Variants in CLSTN2 observed in about 807,000 individuals in gnomAD.
CLSTN2 encodes calsyntenin 2.
A neutral mutation model predicts 101.2 loss-of-function variants in CLSTN2; 48 were observed. The ratio of observed to expected loss-of-function variants is 0.47; its 90% CI spans 0.38 to 0.60. The LOEUF is 0.60. CLSTN2 is among the 20% of genes least tolerant of loss of function. The probability of loss-of-function intolerance (pLI) is 0.00; values close to 1 mark genes in which losing one functional copy is unlikely to be tolerated. For missense variants in CLSTN2, 1,160 were observed against 1,238.2 expected, an observed-to-expected ratio of 0.94 and a Z score of 0.95; for synonymous variants, 481 against 463.6, an observed-to-expected ratio of 1.04 and a Z score of -0.48.
At chr3:140,532,266 T>G in intron 8 of CLSTN2, 58 bp from the exon 9 acceptor site, 2 of 1,425,054 alleles carry the variant, frequency 1.4e-6, no homozygotes, top group Non-Finnish European at 1.9e-6. Context: ...AGTAAAAGCC[T>G]GTTTGATGTT....
At chr3:140,172,282 G>GATTA (rs1358928033) in intron 1 of CLSTN2, among the ~76,000 whole-genome samples, 4 of 152,112 alleles carry the variant, frequency 2.6e-5, no homozygotes, top group African/African-American at 9.7e-5. Flanking sequence ...TAAGTAATCA[G>GATTA]ATTAATGTTT....
intron 2 of CLSTN2, among the ~76,000 whole-genome samples, chr3:140,275,391 C>T (rs1250872285): frequency 6.6e-6 from 1 of 152,060 alleles, no homozygotes; most frequent in Non-Finnish European, 1.5e-5. Context: ...TCCTGCCTTC[C>T]TGCCTCAGCC....
At chr3:140,417,369 C>A (rs976747526) in intron 4 of CLSTN2, among the ~76,000 whole-genome samples, 9 of 152,028 alleles carry the variant, frequency 5.9e-5, no homozygotes, top group African/African-American at 2.2e-4. Flanking sequence ...GCAATTGTAT[C>A]ATTTTTCCAG....
At chr3:140,084,910 G>C (rs143935415) in intron 1 of CLSTN2, among the ~76,000 whole-genome samples, 1 of 152,322 alleles carries the variant, frequency 6.6e-6, no homozygotes, top group African/African-American at 2.4e-5. Flanking sequence ...GAGTTTGTGT[G>C]AACTGAATGT....
At chr3:140,509,837 G>A (rs1934772785) in intron 8 of CLSTN2, among the ~76,000 whole-genome samples, 1 of 152,236 alleles carries the variant, frequency 6.6e-6, no homozygotes, top group African/African-American at 2.4e-5. Flanking sequence ...CCCAGGCTGG[G>A]TAAGGGGAGA....
chr3:140,505,255 C>T (rs1490024034), intron 8 of CLSTN2, among the ~76,000 whole-genome samples: 1 of 152,058 alleles, frequency 6.6e-6, no homozygotes, highest in East Asian at 1.9e-4. Context: ...ATGGCATGAC[C>T]CCACTGATGG....
intron 8 of CLSTN2, among the ~76,000 whole-genome samples, chr3:140,495,435 TTC>T (rs1378749640): frequency 1.3e-5 from 2 of 152,246 alleles, no homozygotes; most frequent in Non-Finnish European, 2.9e-5. Flanking sequence ...TGATGATAGC[TTC>T]TTTTACTGTG....
At chr3:140,191,895 T>C (rs1374607558) in intron 2 of CLSTN2, among the ~76,000 whole-genome samples, 1 of 151,986 alleles carries the variant, frequency 6.6e-6, no homozygotes, top group Non-Finnish European at 1.5e-5. Flanking sequence ...TTGTATGGGC[T>C]TATTTTGCCC....
At chr3:139,950,133 C>T (rs1361989960) in intron 1 of CLSTN2, among the ~76,000 whole-genome samples, 3 of 152,134 alleles carry the variant, frequency 2.0e-5, no homozygotes, top group Admixed American at 6.5e-5. Context: ...AATGAACAAA[C>T]GGGAGTCTCT....
intron 2 of CLSTN2, among the ~76,000 whole-genome samples, chr3:140,237,296 A>G (rs567036325): frequency 2.2e-4 from 33 of 152,252 alleles, no homozygotes; most frequent in Admixed American, 8.5e-4. Context: ...TGTGTCGTAC[A>G]TTACAAGGCT....
chr3:140,413,540 C>T (rs1010305880), intron 4 of CLSTN2, among the ~76,000 whole-genome samples: 1 of 152,162 alleles, frequency 6.6e-6, no homozygotes, highest in Non-Finnish European at 1.5e-5. Context: ...CACTTTCAAA[C>T]TCATTTTATT....
At chr3:140,485,169 C>T (rs1483347519) in intron 8 of CLSTN2, among the ~76,000 whole-genome samples, 2 of 152,190 alleles carry the variant, frequency 1.3e-5, no homozygotes, top group Non-Finnish European at 2.9e-5. Context: ...AGTTTTCCTT[C>T]TAACAGTGAG....
intron 4 of CLSTN2, among the ~76,000 whole-genome samples, chr3:140,418,806 G>C (rs1371633063): frequency 6.6e-6 from 1 of 152,048 alleles, no homozygotes; most frequent in Non-Finnish European, 1.5e-5. Flanking sequence ...GTGAGCCACT[G>C]CGCCGGGCTG....
At chr3:140,537,383 A>G (rs1935379390) in intron 9 of CLSTN2, among the ~76,000 whole-genome samples, 1 of 151,956 alleles carries the variant, frequency 6.6e-6, no homozygotes, top group Non-Finnish European at 1.5e-5. Flanking sequence ...TATTCTAGCA[A>G]TGAAAAAAAA....
intron 8 of CLSTN2, among the ~76,000 whole-genome samples, chr3:140,481,023 T>A (rs898454272): frequency 1.3e-5 from 2 of 152,236 alleles, no homozygotes; most frequent in African/African-American, 4.8e-5. Context: ...TCCTTGCCCA[T>A]GCCTATGTCC....
chr3:140,120,607 C>T (rs775995788), intron 1 of CLSTN2, among the ~76,000 whole-genome samples: 1 of 152,214 alleles, frequency 6.6e-6, no homozygotes, highest in African/African-American at 2.4e-5. Flanking sequence ...CTTGGCCTTT[C>T]TGGTTACCAG....
Position 140,575,216 on chromosome 3 carries a change from AG to A in CLSTN2, c.*8966del, listed in dbSNP as rs1322487891. ...GAGGAGAAATTTAGACTTGAAAGTC[AG>A]GGCTGATCACTCAAAAAGTAAGATA... On this transcript the variant is annotated 3_prime_UTR_variant, in exon 17 of 17. Coordinates refer to ENST00000458420, the MANE Select transcript of CLSTN2 (RefSeq NM_022131.3). 1 of 152,210 alleles carries A rather than the reference AG, an allele frequency of 6.6e-6. No individual in the cohort carries two copies. Among genetic ancestry groups the A allele is most frequent in the Non-Finnish European group, 1.5e-5 (1 of 68,046 alleles). 9.4% of individuals were successfully genotyped at this position (152,210 alleles called of 1,614,324 possible). A position where few individuals can be genotyped will look rare whatever the true frequency, so the allele number is the denominator to read the frequency against.
intron 2 of CLSTN2, among the ~76,000 whole-genome samples, chr3:140,249,129 T>C (rs1325717026): frequency 6.6e-6 from 1 of 151,932 alleles, no homozygotes; most frequent in Non-Finnish European, 1.5e-5. Flanking sequence ...CCATGGAGAG[T>C]CTGAGACACC....
chr3:140,347,542 G>A (rs533592332), intron 2 of CLSTN2, among the ~76,000 whole-genome samples: 1 of 152,324 alleles, frequency 6.6e-6, no homozygotes, highest in East Asian at 1.9e-4. Flanking sequence ...TGTTGAACAT[G>A]GCAGGAGCTC....
Sources: gnomAD v4.1 joint callset for allele counts (sites outside exome capture counted in the v4.1 genomes callset) on GRCh38, gnomAD v4.1.1 for gene constraint, MANE v1.5 for transcripts, NCBI Gene and HGNC (gene_info 2026-07-23, HGNC 2026-07-21) for gene names.